Variants in NEGR1 observed in about 807,000 individuals in gnomAD.
NEGR1 encodes neuronal growth regulator 1.
Under a neutral mutation model 40.9 loss-of-function variants are expected in NEGR1, and 10 were observed. The observed-to-expected ratio is 0.24, with a 90% CI of 0.15 to 0.42. The LOEUF is 0.42. Among genes scored for constraint, NEGR1 ranks in the 10% least tolerant of loss-of-function variants. The pLI is 1.00. For synonymous variants in NEGR1, 185 were observed against 166.8 expected, an observed-to-expected ratio of 1.11 and a Z score of -0.84; for missense variants, 352 against 438.9, an observed-to-expected ratio of 0.80 and a Z score of 1.77.
At chr1:72,120,980 A>G (rs538514491) in intron 1 of NEGR1, among the ~76,000 whole-genome samples, 7 of 152,136 alleles carry the variant, frequency 4.6e-5, no homozygotes, top group Non-Finnish European at 8.8e-5. Flanking sequence ...CACTGTGGAA[A>G]TTTACAACAA....
chr1:71,736,323 T>C (rs1198217361), intron 3 of NEGR1, among the ~76,000 whole-genome samples: 1 of 152,192 alleles, frequency 6.6e-6, no homozygotes, highest in Non-Finnish European at 1.5e-5. Context: ...AAAGATCTTG[T>C]ATACTTTCAC....
At chr1:71,958,946 CA>C (rs1274842943) in intron 1 of NEGR1, among the ~76,000 whole-genome samples, 1 of 119,616 alleles carries the variant, frequency 8.4e-6, no homozygotes, top group Non-Finnish European at 1.7e-5. Context: ...GGCTCCATCT[CA>C]TCTCAAAAAA....
At chr1:72,171,132 G>A (rs894242531) in intron 1 of NEGR1, among the ~76,000 whole-genome samples, 5 of 152,098 alleles carry the variant, frequency 3.3e-5, no homozygotes, top group African/African-American at 1.2e-4. Context: ...CAGAATGGCT[G>A]TTTTTCCCTC....
intron 4 of NEGR1, among the ~76,000 whole-genome samples, chr1:71,673,653 TCAAA>T (rs1652512499): frequency 6.6e-6 from 1 of 152,152 alleles, no homozygotes; most frequent in Non-Finnish European, 1.5e-5. Flanking sequence ...TCAGAAATCC[TCAAA>T]CAATTTTAGT....
chr1:72,113,314 T>A (rs899609924), intron 1 of NEGR1, among the ~76,000 whole-genome samples: 3 of 151,578 alleles, frequency 2.0e-5, no homozygotes, highest in African/African-American at 7.3e-5. Flanking sequence ...GAATGGAGAC[T>A]CAAAATCAGA....
chr1:72,191,910 C>T (rs1202478037), intron 1 of NEGR1, among the ~76,000 whole-genome samples: 1 of 151,882 alleles, frequency 6.6e-6, no homozygotes, highest in African/African-American at 2.4e-5. Flanking sequence ...CAAATCAATA[C>T]TCAGAAGCAA....
At chr1:71,797,096 C>A (rs947803881) in intron 2 of NEGR1, among the ~76,000 whole-genome samples, 2 of 152,018 alleles carry the variant, frequency 1.3e-5, no homozygotes, top group Non-Finnish European at 2.9e-5. Context: ...GACGGGAATG[C>A]CAAAGGAGAG....
chr1:72,180,043 A>G (rs1652308338), intron 1 of NEGR1, among the ~76,000 whole-genome samples: 1 of 152,100 alleles, frequency 6.6e-6, no homozygotes, highest in Non-Finnish European at 1.5e-5. Context: ...TAAAATTTGC[A>G]TAGAACCGTA....
chr1:71,531,360 A>T (rs1316805885), intron 6 of NEGR1, among the ~76,000 whole-genome samples: 1 of 151,030 alleles, frequency 6.6e-6, no homozygotes, highest in African/African-American at 2.4e-5. Flanking sequence ...TGACCAAAAA[A>T]GGAAAGTAAG....
At chr1:71,561,963 C>T (rs1448602392) in intron 6 of NEGR1, among the ~76,000 whole-genome samples, 7 of 146,446 alleles carry the variant, frequency 4.8e-5, no homozygotes, top group Non-Finnish European at 7.5e-5. Context: ...TATGAGTCAC[C>T]ATACTTTTGG....
chr1:72,088,550 G>C (rs1557520414), intron 1 of NEGR1, among the ~76,000 whole-genome samples: 1 of 152,064 alleles, frequency 6.6e-6, no homozygotes, highest in South Asian at 2.1e-4. Flanking sequence ...AGAGCCAGGA[G>C]AACCCAGATC....
At chr1:71,561,492 T>C (rs560673150) in intron 6 of NEGR1, among the ~76,000 whole-genome samples, 2 of 151,840 alleles carry the variant, frequency 1.3e-5, no homozygotes, top group Non-Finnish European at 3.0e-5. Flanking sequence ...CTGAACTGTA[T>C]AAAATTATGT....
At chr1:71,528,395 A>T (rs904481364) in intron 6 of NEGR1, among the ~76,000 whole-genome samples, 1 of 151,352 alleles carries the variant, frequency 6.6e-6, no homozygotes, top group East Asian at 1.9e-4. Flanking sequence ...CACCTTTAAG[A>T]TAATAACCTA....
chr1:71,839,887 G>C (rs1659176415), intron 2 of NEGR1, among the ~76,000 whole-genome samples: 1 of 152,204 alleles, frequency 6.6e-6, no homozygotes, highest in South Asian at 2.1e-4. Flanking sequence ...GCTGAAACTC[G>C]AGTTACATAA....
At chr1:71,794,922 A>T (rs1281664778) in intron 2 of NEGR1, among the ~76,000 whole-genome samples, 1 of 152,218 alleles carries the variant, frequency 6.6e-6, no homozygotes, top group Non-Finnish European at 1.5e-5. Context: ...AGAAAAATGG[A>T]TAAAGAATAT....
At chr1:71,426,855 G>T (rs1646431864) in intron 6 of NEGR1, among the ~76,000 whole-genome samples, 1 of 152,118 alleles carries the variant, frequency 6.6e-6, no homozygotes, top group South Asian at 2.1e-4. Flanking sequence ...CTTATTATGG[G>T]CTTAATTGCT....
chr1:71,858,440 T>A (rs1659847419), intron 2 of NEGR1, among the ~76,000 whole-genome samples: 1 of 152,102 alleles, frequency 6.6e-6, no homozygotes, highest in African/African-American at 2.4e-5. Context: ...CTGAACTTCA[T>A]GGGTTTTAAT....
intron 1 of NEGR1, among the ~76,000 whole-genome samples, chr1:72,120,261 C>T (rs1294220401): frequency 2.0e-5 from 3 of 151,754 alleles, no homozygotes; most frequent in Admixed American, 6.6e-5. Context: ...AATTATTTGA[C>T]TGCATTGTAA....
At chr1:72,232,103 C>T (rs1026697730) in intron 1 of NEGR1, among the ~76,000 whole-genome samples, 1 of 151,966 alleles carries the variant, frequency 6.6e-6, no homozygotes, top group Non-Finnish European at 1.5e-5. Flanking sequence ...CAAATGTAAT[C>T]CCAGCACTTT....
Sources: gnomAD v4.1 joint callset for allele counts (sites outside exome capture counted in the v4.1 genomes callset) on GRCh38, gnomAD v4.1.1 for gene constraint, MANE v1.5 for transcripts, NCBI Gene and HGNC (gene_info 2026-07-23, HGNC 2026-07-21) for gene names.